Variants in CEP112 observed in about 807,000 individuals in gnomAD.
CEP112 encodes the protein centrosomal protein 112.
CEP112 carries 127 observed loss-of-function variants against 153.0 expected under a neutral mutation model. That is an observed-to-expected ratio of 0.83 (90% CI 0.72 to 0.96). The LOEUF (loss-of-function observed/expected upper bound fraction) is 0.96. CEP112 is among the 40% of genes least tolerant of loss of function. CEP112 has a pLI of 0.00. For synonymous variants in CEP112, 358 were observed against 374.4 expected, an observed-to-expected ratio of 0.96 and a Z score of 0.51; for missense variants, 1,089 against 1,101.2, an observed-to-expected ratio of 0.99 and a Z score of 0.16.
At chr17:65,667,778 G>A (rs1227987562) in intron 24 of CEP112, among the ~76,000 whole-genome samples, 1 of 152,108 alleles carries the variant, frequency 6.6e-6, no homozygotes. Context: ...ACCATGAAGA[G>A]CAAAACACTC....
At chr17:66,043,785 T>C (rs1217203948) in intron 12 of CEP112, among the ~76,000 whole-genome samples, 1 of 152,180 alleles carries the variant, frequency 6.6e-6, no homozygotes, top group Non-Finnish European at 1.5e-5. Flanking sequence ...AATGCGTAAG[T>C]CTCATAATCT....
intron 21 of CEP112, among the ~76,000 whole-genome samples, chr17:65,805,647 C>T (rs2055553395): frequency 6.6e-6 from 1 of 152,138 alleles, no homozygotes. Flanking sequence ...TGGAAACTGA[C>T]TTGCGGAACA....
At chr17:65,863,264 A>G (rs1256638026) in intron 20 of CEP112, among the ~76,000 whole-genome samples, 1 of 152,220 alleles carries the variant, frequency 6.6e-6, no homozygotes, top group East Asian at 1.9e-4. Context: ...AACAACTCCC[A>G]TAAGACCTTA....
At chr17:66,056,078 T>C (rs1281465679) in intron 11 of CEP112, among the ~76,000 whole-genome samples, 1 of 152,200 alleles carries the variant, frequency 6.6e-6, no homozygotes, top group Non-Finnish European at 1.5e-5. Flanking sequence ...CAAATCTTGC[T>C]GGAGTTTATG....
intron 21 of CEP112, among the ~76,000 whole-genome samples, chr17:65,818,527 C>A (rs985896587): frequency 3.3e-5 from 5 of 151,824 alleles, no homozygotes; most frequent in African/African-American, 1.2e-4. Flanking sequence ...AAGCAAAAAT[C>A]TTTCAAAAAT....
intron 16 of CEP112, among the ~76,000 whole-genome samples, chr17:66,019,596 C>T (rs556788059): frequency 6.6e-6 from 1 of 152,204 alleles, no homozygotes; most frequent in East Asian, 1.9e-4. Flanking sequence ...GGAACATATG[C>T]AATATGAACA....
intron 11 of CEP112, among the ~76,000 whole-genome samples, chr17:66,054,931 T>A (rs1202999517): frequency 6.6e-6 from 1 of 152,048 alleles, no homozygotes; most frequent in African/African-American, 2.4e-5. Flanking sequence ...TAATTTTTTA[T>A]ATTTTTAGTA....
chr17:65,826,182 T>G (rs2056831613), intron 21 of CEP112: 1 of 1,614,210 alleles, frequency 6.2e-7, no homozygotes, highest in Non-Finnish European at 8.5e-7. Context: ...CTCAGAGGCT[T>G]CAAACTTCCT....
At chr17:65,747,700 C>T (rs2051559607) in intron 22 of CEP112, among the ~76,000 whole-genome samples, 1 of 152,036 alleles carries the variant, frequency 6.6e-6, no homozygotes, top group Non-Finnish European at 1.5e-5. Flanking sequence ...TGGGGGCGTG[C>T]CCAGAGATGA....
At chr17:65,783,150 T>C (rs193244156) in intron 21 of CEP112, among the ~76,000 whole-genome samples, 72 of 152,104 alleles carry the variant, frequency 4.7e-4, no homozygotes, top group Non-Finnish European at 7.6e-4. Context: ...CAAAACAAGA[T>C]ACACAGAAGG....
At chr17:65,775,279 G>C (rs1446204196) in intron 21 of CEP112, among the ~76,000 whole-genome samples, 1 of 151,992 alleles carries the variant, frequency 6.6e-6, no homozygotes, top group Non-Finnish European at 1.5e-5. Context: ...CTAGGGCCAT[G>C]CAAGTGTGAC....
At chr17:65,655,212 C>T (rs2054404825) in intron 24 of CEP112, 2 of 808,282 alleles carry the variant, frequency 2.5e-6, no homozygotes, top group Admixed American at 1.7e-5. Flanking sequence ...GCGCTTGTTG[C>T]AACCTAAACA....
chr17:66,028,542 AAT>A lies in CEP112; in HGVS notation c.1504-139_1504-138del, dbSNP rs533320598. The A allele has an allele frequency of 1.2e-3, 518 of 429,164 alleles. 1 individual carries two copies. The highest frequency in any genetic ancestry group is 1.7e-3 in the Non-Finnish European group (414 of 244,074). The allele number at this position is 429,164 out of a possible 1,614,324, so 26.6% of individuals were successfully genotyped here. A position where few individuals can be genotyped will look rare whatever the true frequency, so the allele number is the denominator to read the frequency against. ...AAATTATCTAGAAATTTGAATGAAA[AAT>A]GTTTTTAAAAGATACTAGAAAAAAT... is the stretch of plus-strand genomic sequence containing the variant. On this transcript the variant is annotated intron_variant, in intron 14 of 26. Coordinates refer to ENST00000535342, the MANE Select transcript of CEP112 (RefSeq NM_001199165.4).
intron 8 of CEP112, among the ~76,000 whole-genome samples, chr17:66,090,760 A>G (rs1165422464): frequency 1.3e-5 from 2 of 152,134 alleles, no homozygotes; most frequent in East Asian, 3.8e-4. Context: ...AACTGAATGG[A>G]TTAAAACAAA....
At chr17:66,095,624 G>T (rs2068311173) in intron 8 of CEP112, among the ~76,000 whole-genome samples, 1 of 151,964 alleles carries the variant, frequency 6.6e-6, no homozygotes, top group Admixed American at 6.6e-5. Flanking sequence ...TAATAACAAT[G>T]GATTGTATTT....
rs116121064 is a variant in CEP112, at chr17:66,189,648, C to T, written c.-9+2349G>A. On this transcript the variant is annotated intron_variant, in intron 1 of 26. Transcript: ENST00000535342. ...AACTAAAAATCTGCTTCTTCTTATC[C>T]CTTAATTTTTCTCCAAAAAAATAAA... Among the ~76,000 whole-genome samples the T allele has an allele frequency of 4.9e-3, 750 of 151,836 alleles. 6 individuals carry two copies. The highest frequency in any genetic ancestry group is 0.017 in the African/African-American group (708 of 41,412).
At chr17:65,958,324 C>T (rs2144724792) in intron 18 of CEP112, among the ~76,000 whole-genome samples, 1 of 152,170 alleles carries the variant, frequency 6.6e-6, no homozygotes, top group South Asian at 2.1e-4. Flanking sequence ...GGAATCACCA[C>T]TTTTTTTTAC....
At chr17:65,722,273 G>A (rs761336251) in intron 23 of CEP112, among the ~76,000 whole-genome samples, 5 of 151,664 alleles carry the variant, frequency 3.3e-5, no homozygotes, top group Non-Finnish European at 7.4e-5. Context: ...TTTTGAGATA[G>A]AGTCTCCCTT....
chr17:66,074,844 A>G (rs1274490867), intron 8 of CEP112, among the ~76,000 whole-genome samples: 1 of 137,130 alleles, frequency 7.3e-6, no homozygotes, highest in Non-Finnish European at 1.5e-5. Context: ...GCCTGGTGAC[A>G]GAGTGAGGCT....
Sources: gnomAD v4.1 joint callset for allele counts (sites outside exome capture counted in the v4.1 genomes callset) on GRCh38, gnomAD v4.1.1 for gene constraint, MANE v1.5 for transcripts, NCBI Gene and HGNC (gene_info 2026-07-23, HGNC 2026-07-21) for gene names.